Variants in SPAG4 observed in about 807,000 individuals in gnomAD.
The protein encoded by SPAG4 is sperm associated antigen 4.
Under a neutral mutation model 53.9 loss-of-function variants are expected in SPAG4, and 54 were observed. That is an observed-to-expected ratio of 1.00 (90% CI 0.80 to 1.26). The LOEUF (loss-of-function observed/expected upper bound fraction) is 1.26. SPAG4 is among the 50% of genes most tolerant of loss of function. The pLI, the probability that SPAG4 is intolerant of heterozygous loss-of-function variation, is 0.00. For synonymous variants in SPAG4, 246 were observed against 237.4 expected, an observed-to-expected ratio of 1.04 and a Z score of -0.33; for missense variants, 548 against 568.6, an observed-to-expected ratio of 0.96 and a Z score of 0.37.
rs2031351319 is a variant in SPAG4, at chr20:35,615,842, C to G, written c.-162C>G. Reference sequence around the variant, plus strand: ...CGAGGCTCCTCTGTGACGTCAGCAGCCGGCCGGGACACAGCGGGAGGGCAG... The same window carrying G: ...CGAGGCTCCTCTGTGACGTCAGCAGGCGGCCGGGACACAGCGGGAGGGCAG... On this transcript the variant is annotated 5_prime_UTR_variant, in exon 1 of 12. Transcript: ENST00000374273. The G allele has an allele frequency of 9.7e-6, 6 of 615,900 alleles. No individual in the cohort carries two copies. Among genetic ancestry groups the G allele is most frequent in the Non-Finnish European group, 1.6e-5 (6 of 373,338 alleles). The allele number at this position is 615,900 out of a possible 1,614,324, so 38.2% of individuals were successfully genotyped here.
At chr20:35,618,566 A>G (rs1463082371) in intron 6 of SPAG4, 46 bp from the exon 7 acceptor site, 1 of 1,597,620 alleles carries the variant, frequency 6.3e-7, no homozygotes, top group Non-Finnish European at 8.5e-7. Context: ...GGAGGTGTCC[A>G]GGGGGACAGG....
At chr20:35,617,671 C>A in intron 3 of SPAG4, 85 bp downstream of exon 3, 1 of 1,567,642 alleles carries the variant, frequency 6.4e-7, no homozygotes, top group South Asian at 1.1e-5. Flanking sequence ...GCGCTTGAGC[C>A]GATTCAGATC....
At chr20:35,616,720 C>T (rs2031397518) in intron 1 of SPAG4, among the ~76,000 whole-genome samples, 1 of 152,068 alleles carries the variant, frequency 6.6e-6, no homozygotes, top group Non-Finnish European at 1.5e-5. Flanking sequence ...ACCTCCGCCT[C>T]CCGGGTTCAA....
rs2031357993 is a variant in SPAG4, at chr20:35,616,010, C to A, written c.7C>A (p.Arg3=). Residue 3 remains arginine (R), a synonymous_variant, in exon 1 of 12, where the codon CGA becomes AGA. Transcript: ENST00000374273. ...TAGGCAGCAGGGGGTCAGGATGCGG[C>A]GAAGCTCCCGCCCGGGCTCGGCCTC... MR[R]SSRPGSASSS... The A allele has an allele frequency of 6.2e-7, 1 of 1,611,170 alleles. No individual in the cohort carries two copies. The highest frequency in any genetic ancestry group is 1.3e-5 in the African/African-American group (1 of 74,786).
chr20:35,617,736 G>A lies in SPAG4; in HGVS notation c.477-43G>A, dbSNP rs763984993. 1.6e-5 allele frequency: 25 copies of A among 1,598,098 alleles called. No homozygotes were observed. The South Asian group carries it at 2.8e-4, about 18-fold the overall frequency. On this transcript the variant is annotated intron_variant, in intron 3 of 11. Transcript: ENST00000374273. The stretch of plus-strand genomic sequence containing the variant: ...CTAGGACCCTGGGGTGGGGACTGGA[G>A]GGTTGAGCAGGTCGGGGCCTCAGCC...
Position 35,616,224 on chromosome 20 carries a change from G to T in SPAG4, c.221G>T (p.Gly74Val). 1 of 1,571,244 alleles carries T rather than the reference G, an allele frequency of 6.4e-7. No individual in the cohort carries two copies. The highest frequency in any genetic ancestry group is 8.6e-7 in the Non-Finnish European group (1 of 1,161,696). ...AGVPGGTTWAGSSQQKPAPRS... is the reference protein window; with the variant it reads ...AGVPGGTTWAVSSQQKPAPRS... ...GTGCCCGGAGGAACCACATGGGCAG[G>T]AAGCTCTCAGCAGAAGCCAGCGCCT... The change falls in exon 1 of 12, where the codon GGA becomes GTA. Residue 74 changes from glycine to valine, a missense_variant. Gly to Val is a moderately radical substitution (Grantham distance 109). Coordinates refer to ENST00000374273, the MANE Select transcript of SPAG4 (RefSeq NM_003116.3).
rs1260940813 is a variant in SPAG4 at position 35,616,167 on chromosome 20, C to G, written c.164C>G (p.Pro55Arg). Residue 55 changes from proline to arginine, a missense_variant, in exon 1 of 12, where the codon CCG becomes CGG. Pro to Arg is a moderately radical substitution (Grantham distance 103). Coordinates refer to ENST00000374273, the MANE Select transcript of SPAG4 (RefSeq NM_003116.3). The part of the protein sequence containing the change: ...GEPEGRRARG[P>R]SCGEPALSAG... ...CCCGAGGGCAGAAGAGCCCGGGGCC[C>G]GAGCTGCGGTGAGCCCGCCTTGAGC... 1 of 1,596,494 alleles carries G rather than the reference C, an allele frequency of 6.3e-7. No homozygotes were observed. The highest frequency in any genetic ancestry group is 8.5e-7 in the Non-Finnish European group (1 of 1,172,596).
Position 35,620,767 on chromosome 20 carries a change from C to T in SPAG4, c.1161C>T (p.His387=), listed in dbSNP as rs555979098. The T allele has an allele frequency of 3.1e-6, 5 of 1,613,962 alleles. No individual in the cohort carries two copies. The highest frequency in any genetic ancestry group is 2.7e-5 in the African/African-American group (2 of 75,010). The change falls in exon 11 of 12, where the codon CAC becomes CAT. Residue 387 remains histidine (H), a synonymous_variant. Coordinates refer to ENST00000374273, the MANE Select transcript of SPAG4 (RefSeq NM_003116.3). The part of the protein sequence containing the change: ...DVEKSEIQTF[H]LQNDPPAAFP... ...AGAAATCGGAGATTCAGACTTTCCA[C>T]CTGCAGGTGTGTTTGTCTCTAGGGT...
At chr20:35,620,305 C>T (rs184605117) in intron 10 of SPAG4, among the ~76,000 whole-genome samples, 167 of 152,222 alleles carry the variant, frequency 1.1e-3, no homozygotes, top group African/African-American at 3.9e-3. Flanking sequence ...GTACTGTTAT[C>T]TCCCCCTTTA....
chr20:35,618,703 C>T lies in SPAG4; in HGVS notation c.700C>T (p.Arg234Trp), dbSNP rs779926599. Residue 234 changes from arginine to tryptophan, a missense_variant, in exon 7 of 12, where the codon CGG (arginine) becomes TGG (tryptophan). By Grantham distance (101) the Arg-to-Trp change is moderately radical (BLOSUM62 -3). Transcript: ENST00000374273. ...DKLHKEVSTV[R>W]AANSERVAKL... ...ACTCCACAAGGAGGTGTCCACTGTTCGGGCAGCCAACAGCGAGGTGAGCCC... is the reference window on the plus strand; with the variant it reads ...ACTCCACAAGGAGGTGTCCACTGTTTGGGCAGCCAACAGCGAGGTGAGCCC... 2 of 1,585,780 alleles carry T rather than the reference C, an allele frequency of 1.3e-6. No homozygotes were observed. Among genetic ancestry groups the T allele is most frequent in the South Asian group, 1.1e-5 (1 of 88,166 alleles).
At chr20:35,618,900 G>T (rs2031478888) in intron 7 of SPAG4, 23 bp from the exon 8 acceptor site, 2 of 1,611,334 alleles carry the variant, frequency 1.2e-6, no homozygotes. Context: ...CGCCCCTCCA[G>T]GCCTCGCCCT....
chr20:35,618,333 G>C (rs1208620512), intron 5 of SPAG4, 117 bp from the exon 6 acceptor site: 1 of 1,323,412 alleles, frequency 7.6e-7, no homozygotes, highest in East Asian at 2.3e-5. Context: ...GGTCAAGGAG[G>C]AGTCGAGGAA....
At chr20:35,620,532 C>T (rs1006323140) in intron 10 of SPAG4, 152 bp from the exon 11 acceptor site, 46 of 590,524 alleles carry the variant, frequency 7.8e-5, no homozygotes, top group Non-Finnish European at 1.3e-4. Context: ...AGCCCACATT[C>T]TGAATTACAG....
chr20:35,619,332 G>C (rs1189649705), intron 9 of SPAG4, 22 bp downstream of exon 9: 6 of 1,597,834 alleles, frequency 3.8e-6, no homozygotes, highest in Non-Finnish European at 5.1e-6. Context: ...AACATCCCGG[G>C]ATGGGACCCC....
intron 5 of SPAG4, 90 bp from the exon 6 acceptor site, chr20:35,618,359 CA>C (rs999949722): frequency 6.5e-7 from 1 of 1,538,978 alleles, no homozygotes; most frequent in Non-Finnish European, 8.9e-7. Flanking sequence ...ACACAGTCTT[CA>C]AAAAGGAAGC....
At chr20:35,618,549 G>C in intron 6 of SPAG4, 63 bp from the exon 7 acceptor site, 1 of 1,602,696 alleles carries the variant, frequency 6.2e-7, no homozygotes, top group Admixed American at 1.7e-5. Flanking sequence ...AGGCGTGGGG[G>C]CCTTTGGGAG....
intron 10 of SPAG4, among the ~76,000 whole-genome samples, 168 bp downstream of exon 10, chr20:35,619,914 T>C (rs772725107): frequency 6.6e-6 from 1 of 152,184 alleles, no homozygotes; most frequent in Non-Finnish European, 1.5e-5. Flanking sequence ...TATCCAGATA[T>C]TAGTTATTGC....
chr20:35,619,892 TA>T, intron 10 of SPAG4, 146 bp downstream of exon 10: 8 of 821,878 alleles, frequency 9.7e-6, no homozygotes, highest in Non-Finnish European at 1.3e-5. Context: ...CTGTAGGTTA[TA>T]GTCATAACCA....
In SPAG4 at chr20:35,617,831, T is replaced by G. The variant is rs775242008; in HGVS notation, c.529T>G (p.Phe177Val). The G allele has an allele frequency of 6.2e-7, 1 of 1,614,076 alleles. No individual in the cohort carries two copies. Among genetic ancestry groups the G allele is most frequent in the South Asian group, 1.1e-5 (1 of 91,084 alleles). Residue 177 changes from phenylalanine (F) to valine (V), a missense_variant, in exon 4 of 12, where the codon TTT becomes GTT. Phe to Val is a conservative substitution (Grantham distance 50). Transcript: ENST00000374273. ...LFTAVSLLSL[F>V]LSAFWLGLLY... ...CACGGCTGTGTCGCTGCTGAGCCTC[T>G]TTCTGTCAGGTGAGGGGCAGTGAAT... is the stretch of plus-strand genomic sequence containing the variant.
Sources: allele counts gnomAD v4.1 joint callset (sites outside exome capture counted in the v4.1 genomes callset), GRCh38; gene constraint gnomAD v4.1.1; transcripts MANE v1.5; gene names NCBI Gene and HGNC (gene_info 2026-07-23, HGNC 2026-07-21).